FAT4: variants seen among roughly 807,000 people sequenced by gnomAD.
FAT4 encodes protocadherin Fat 4.
In FAT4, 84 loss-of-function variants were observed where a neutral mutation model predicts 303.9. The observed-to-expected ratio is 0.28, with a 90% confidence interval of 0.23 to 0.33. FAT4 has a LOEUF of 0.33. Ranked by LOEUF, FAT4 falls within the 10% of genes least tolerant of loss-of-function variation. FAT4 has a pLI of 1.00. For synonymous variants in FAT4, 2,307 were observed against 2,298.8 expected, an observed-to-expected ratio of 1.00 and a Z score of -0.10; for missense variants, 6,005 against 6,146.8, an observed-to-expected ratio of 0.98 and a Z score of 0.77.
At chr4:125,377,465 A>G (rs1560786780) in intron 2 of FAT4, among the ~76,000 whole-genome samples, 1 of 152,082 alleles carries the variant, frequency 6.6e-6, no homozygotes, top group Non-Finnish European at 1.5e-5. Context: ...TATTTCTGAA[A>G]CTAGACCCCA....
At chr4:125,417,821 A>G (rs1578620910) in intron 7 of FAT4, among the ~76,000 whole-genome samples, 1 of 152,300 alleles carries the variant, frequency 6.6e-6, no homozygotes, top group East Asian at 1.9e-4. Context: ...TCGCTCTGAA[A>G]TAGACTGGCA....
chr4:125,398,926 C>T lies in FAT4; in HGVS notation c.5307+11C>T. ...ATGGATGCTGATGAGGTAGCTCAAG[C>T]ATGTCTCTGAATTTGTGAAACTTCG... is the stretch of plus-strand genomic sequence containing the variant. On this transcript the variant is annotated intron_variant, in intron 3 of 17. Coordinates refer to ENST00000394329, the MANE Select transcript of FAT4 (RefSeq NM_001291303.3). 6.2e-7 allele frequency: 1 copy of T among 1,612,188 alleles called. No homozygotes were observed. Among genetic ancestry groups the T allele is most frequent in the Non-Finnish European group, 8.5e-7 (1 of 1,178,742 alleles).
Position 125,415,657 on chromosome 4 carries a change from A to T in FAT4, c.6694A>T (p.Thr2232Ser), listed in dbSNP as rs1214092722. 1 of 1,614,026 alleles carries T rather than the reference A, an allele frequency of 6.2e-7. No individual in the cohort carries two copies. The highest frequency in any genetic ancestry group is 8.5e-7 in the Non-Finnish European group (1 of 1,179,968). ...TPTYHLTVQA[T>S]DRGSTPRTDT... The stretch of plus-strand genomic sequence containing the variant: ...TACCTACCATTTAACTGTTCAGGCA[A>T]CAGATCGAGGCAGCACACCCAGAAC... The change falls in exon 6 of 18, where the codon ACA (threonine) becomes TCA (serine). Residue 2232 changes from threonine to serine, a missense_variant. Thr to Ser is a moderately conservative substitution (Grantham distance 58). Transcript: ENST00000394329.
At chr4:125,411,122 G>T (rs1362402584) in intron 5 of FAT4, among the ~76,000 whole-genome samples, 1 of 151,934 alleles carries the variant, frequency 6.6e-6, no homozygotes. Context: ...TGATCAGAAG[G>T]TTCCAATGAG....
intron 10 of FAT4, among the ~76,000 whole-genome samples, chr4:125,458,280 C>G (rs1471928487): frequency 2.0e-5 from 3 of 151,888 alleles, no homozygotes; most frequent in Non-Finnish European, 4.4e-5. Flanking sequence ...ACAGTATAAA[C>G]AGTAAAATTT....
At chr4:125,409,074 A>G (rs1359101006) in intron 5 of FAT4, among the ~76,000 whole-genome samples, 1 of 152,124 alleles carries the variant, frequency 6.6e-6, no homozygotes, top group Non-Finnish European at 1.5e-5. Context: ...TTAGCAATGT[A>G]GAAGTCATAA....
chr4:125,360,943 T>TA (rs1560778424), intron 2 of FAT4, among the ~76,000 whole-genome samples: 10 of 145,700 alleles, frequency 6.9e-5, no homozygotes, highest in South Asian at 4.2e-4. Context: ...ATTTTATTAT[T>TA]TTTATTTTAT....
intron 2 of FAT4, among the ~76,000 whole-genome samples, chr4:125,377,766 A>C (rs186150969): frequency 6.6e-6 from 1 of 152,200 alleles, no homozygotes; most frequent in Admixed American, 6.5e-5. Flanking sequence ...ACTCTCACAA[A>C]CCAAAACAAA....
rs766766148 is a variant in FAT4, at chr4:125,490,320, C to G, written c.13504C>G (p.Leu4502Val). 4 of 1,614,164 alleles carry G rather than the reference C, an allele frequency of 2.5e-6. No homozygotes were observed. The highest frequency in any genetic ancestry group is 2.5e-6 in the Non-Finnish European group (3 of 1,180,036). The change falls in exon 18 of 18, where the codon CTG (leucine) becomes GTG (valine). Residue 4502 changes from leucine to valine, a missense_variant. Leu to Val is a conservative substitution (Grantham distance 32, BLOSUM62 1). Coordinates refer to ENST00000394329, the MANE Select transcript of FAT4 (RefSeq NM_001291303.3). Reference sequence around the variant, plus strand: ...GAGTCAGGGCCCTGAAGAGATCTCTCTGCCTTTGTGGGCTGTGCCTGCCAT... The same window carrying G: ...GAGTCAGGGCCCTGAAGAGATCTCTGTGCCTTTGTGGGCTGTGCCTGCCAT... ...VLSQGPEEIS[L>V]PLWAVPAIVG...
intron 8 of FAT4, among the ~76,000 whole-genome samples, chr4:125,439,998 T>A (rs1485459512): frequency 6.6e-6 from 1 of 152,224 alleles, no homozygotes; most frequent in Non-Finnish European, 1.5e-5. Flanking sequence ...TGGAATCAGT[T>A]AATATCCATA....
chr4:125,406,304 T>C (rs1422307489), intron 3 of FAT4, among the ~76,000 whole-genome samples: 1 of 152,220 alleles, frequency 6.6e-6, no homozygotes, highest in Non-Finnish European at 1.5e-5. Context: ...ATCAATTGAC[T>C]ATCATGCATG....
At position 125,319,009 on chromosome 4, in the gene FAT4, A is replaced by G; in HGVS notation, c.2598A>G (p.Val866=). The G allele has an allele frequency of 5.0e-6, 8 of 1,614,240 alleles. No individual in the cohort carries two copies. Among genetic ancestry groups the G allele is most frequent in the Non-Finnish European group, 6.8e-6 (8 of 1,180,042 alleles). Reference sequence around the variant, plus strand: ...AGCAATCCTTTTATCAGCTGAAGGTAGTGGCCAGTGGGGGCACAGTGACTG... The same window carrying G: ...AGCAATCCTTTTATCAGCTGAAGGTGGTGGCCAGTGGGGGCACAGTGACTG... The part of the protein sequence containing the change: ...REEQSFYQLK[V]VASGGTVTGD... The change falls in exon 2 of 18, where the codon GTA becomes GTG. Residue 866 remains valine (V), a synonymous_variant. Transcript: ENST00000394329.
At chr4:125,440,963 G>T (rs1179867461) in intron 8 of FAT4, among the ~76,000 whole-genome samples, 2 of 152,018 alleles carry the variant, frequency 1.3e-5, no homozygotes, top group East Asian at 3.9e-4. Flanking sequence ...TAATGCATCT[G>T]GCACCCATTC....
intron 7 of FAT4, among the ~76,000 whole-genome samples, chr4:125,423,551 T>A (rs1724981225): frequency 6.6e-6 from 1 of 152,198 alleles, no homozygotes; most frequent in Non-Finnish European, 1.5e-5. Flanking sequence ...TAAGCTTAAA[T>A]TTATACATTG....
Position 125,359,609 on chromosome 4 carries a change from T to C in FAT4, c.5175+38023T>C, listed in dbSNP as rs1215557256. Among the ~76,000 whole-genome samples, 4 of 152,172 alleles carry C rather than the reference T, an allele frequency of 2.6e-5. No individual in the cohort carries two copies. In the East Asian group the frequency reaches 7.7e-4, roughly 29 times the overall value. On this transcript the variant is annotated intron_variant, in intron 2 of 17. Transcript: ENST00000394329. ...TCCTATTATCTTCTAATTATCCTTT[T>C]AAATCAAAAACATACTTTCATGTTG... is the stretch of plus-strand genomic sequence containing the variant.
intron 5 of FAT4, among the ~76,000 whole-genome samples, chr4:125,413,987 C>T (rs1734943983): frequency 6.6e-6 from 1 of 151,912 alleles, no homozygotes; most frequent in African/African-American, 2.4e-5. Context: ...ATCATAATAT[C>T]CTGTAATTTT....
At chr4:125,409,800 A>T (rs1734774838) in intron 5 of FAT4, among the ~76,000 whole-genome samples, 3 of 152,178 alleles carry the variant, frequency 2.0e-5, no homozygotes, top group African/African-American at 7.2e-5. Flanking sequence ...CATTGTATGG[A>T]TTATCAACCT....
chr4:125,371,566 A>T (rs1444928417), intron 2 of FAT4, among the ~76,000 whole-genome samples: 3 of 151,914 alleles, frequency 2.0e-5, no homozygotes, highest in Admixed American at 6.6e-5. Context: ...CTCACAGTTA[A>T]TTTATTAAGC....
At chr4:125,434,494 T>C in intron 8 of FAT4, 69 bp downstream of exon 8, 1 of 1,355,850 alleles carries the variant, frequency 7.4e-7, no homozygotes, top group Non-Finnish European at 1.0e-6. Flanking sequence ...ACTACATGAA[T>C]ATAATGTTTA....
Sources: allele counts gnomAD v4.1 joint callset (sites outside exome capture counted in the v4.1 genomes callset), GRCh38; gene constraint gnomAD v4.1.1; transcripts MANE v1.5; gene names NCBI Gene and HGNC (gene_info 2026-07-23, HGNC 2026-07-21).